NLRP11: variants seen among roughly 807,000 people sequenced by gnomAD.
NLRP11 encodes the protein NLR family pyrin domain containing 11, also known as NACHT, LRR and PYD domains-containing protein 11.
A neutral mutation model predicts 79.3 loss-of-function variants in NLRP11; 53 were observed. The observed-to-expected ratio is 0.67, with a 90% CI of 0.54 to 0.84. The LOEUF is 0.84. NLRP11 is among the 40% of genes least tolerant of loss of function. The probability of loss-of-function intolerance (pLI) is 0.00; values close to 1 mark genes in which losing one functional copy is unlikely to be tolerated. For missense variants in NLRP11, 1,264 were observed against 1,255.0 expected, an observed-to-expected ratio of 1.01 and a Z score of -0.11; for synonymous variants, 518 against 462.6, an observed-to-expected ratio of 1.12 and a Z score of -1.54.
At position 55,815,486 on chromosome 19, in the gene NLRP11, T is replaced by A. The variant is rs1197564123; in HGVS notation, c.271+2418A>T. On this transcript the variant is annotated intron_variant, in intron 2 of 9. Transcript: ENST00000589093. ...GGAGGTTGCAGTGAGCCGAGATTGT[T>A]CCATTGCATTCCAGCCTGGACAATG... 3.5e-5 allele frequency among the ~76,000 whole-genome samples: 5 copies of A among 142,884 alleles called. No individual in the cohort carries two copies. In the East Asian group the frequency reaches 1.0e-3, roughly 29 times the overall value. 93.7% of individuals were successfully genotyped at this position (142,884 alleles called of 152,430 possible).
intron 3 of NLRP11, 141 bp downstream of exon 3, chr19:55,808,628 A>T: frequency 1.3e-6 from 1 of 760,070 alleles, no homozygotes; most frequent in Non-Finnish European, 2.2e-6. Flanking sequence ...AGAGAGATTT[A>T]AGTCACTGGT....
chr19:55,817,382 T>C (rs909505361), intron 2 of NLRP11, among the ~76,000 whole-genome samples: 2 of 152,102 alleles, frequency 1.3e-5, no homozygotes, highest in Non-Finnish European at 2.9e-5. Context: ...ACATTTATAG[T>C]GGCACAATTC....
exon 2 of NLRP11, chr19:55,818,218 G>A (rs1392946872): frequency 6.5e-7 from 1 of 1,535,278 alleles, no homozygotes; most frequent in Non-Finnish European, 8.9e-7. Context: ...GGGATTTTGA[G>A]GCACAAGAAA....
At chr19:55,787,642 T>A (rs1202113840) in intron 9 of NLRP11, among the ~76,000 whole-genome samples, 1 of 152,196 alleles carries the variant, frequency 6.6e-6, no homozygotes, top group African/African-American at 2.4e-5. Context: ...TGGCCAAATT[T>A]GCTTCTATCC....
intron 6 of NLRP11, among the ~76,000 whole-genome samples, chr19:55,792,945 G>A (rs956752308): frequency 6.6e-6 from 1 of 152,138 alleles, no homozygotes; most frequent in African/African-American, 2.4e-5. Context: ...GTGGTATCCC[G>A]TTTTGTCTGT....
In NLRP11 at chr19:55,809,444, T is replaced by C. The variant is rs140478906; in HGVS notation, c.1166A>G (p.Tyr389Cys). ...CAGACGTTTTAGGAGACCTAGGTGATACTGATTGGCAGTAAGTCCAGCCTC... is the reference window on the plus strand; with the variant it reads ...CAGACGTTTTAGGAGACCTAGGTGACACTGATTGGCAGTAAGTCCAGCCTC... Residue 389 changes from tyrosine (Y) to cysteine (C), a missense_variant, in exon 3 of 10, where the codon TAT becomes TGT. Transcript: ENST00000589093. This position sits in a 1 kb window ranked among gnomAD's most constrained non-coding sequence, Gnocchi z 4.5. 4 of 1,614,066 alleles carry C rather than the reference T, an allele frequency of 2.5e-6. No homozygotes were observed. Among genetic ancestry groups the C allele is most frequent in the Non-Finnish European group, 3.4e-6 (4 of 1,180,034 alleles).
chr19:55,792,728 A>C (rs529770729), intron 6 of NLRP11, among the ~76,000 whole-genome samples: 3 of 152,366 alleles, frequency 2.0e-5, no homozygotes, highest in African/African-American at 7.2e-5. Context: ...ATAATCTTAT[A>C]GACGTTACTT....
chr19:55,807,025 C>G (rs530049286), intron 4 of NLRP11, among the ~76,000 whole-genome samples: 2 of 152,266 alleles, frequency 1.3e-5, no homozygotes, highest in Admixed American at 6.5e-5. Flanking sequence ...TTCTTTTCCC[C>G]CCGTAACACC....
intron 7 of NLRP11, among the ~76,000 whole-genome samples, chr19:55,791,670 A>T (rs1192665608): frequency 6.6e-6 from 1 of 151,476 alleles, no homozygotes; most frequent in Non-Finnish European, 1.5e-5. Flanking sequence ...TTTTTAAACA[A>T]TTTTTTTTTC....
intron 1 of NLRP11, among the ~76,000 whole-genome samples, chr19:55,821,994 C>G (rs1981787981): frequency 6.6e-6 from 1 of 152,354 alleles, no homozygotes; most frequent in African/African-American, 2.4e-5. Context: ...CACAGTGGCT[C>G]ACGCCTGTAA....
intron 1 of NLRP11, among the ~76,000 whole-genome samples, chr19:55,823,271 A>G (rs1981993014): frequency 7.3e-6 from 1 of 137,238 alleles, no homozygotes; most frequent in Non-Finnish European, 1.5e-5. Flanking sequence ...GTACATCACC[A>G]TCATCAAAGA....
At chr19:55,832,368 A>G (rs560707424), upstream of NLRP11, among the ~76,000 whole-genome samples, 3 of 152,358 alleles carry the variant, frequency 2.0e-5, no homozygotes, top group East Asian at 5.8e-4. Context: ...TCTAGTCTAC[A>G]TAACCACCTG....
chr19:55,789,525 G>A, intron 7 of NLRP11, 126 bp from the exon 8 acceptor site: 1 of 832,824 alleles, frequency 1.2e-6, no homozygotes, highest in Admixed American at 2.6e-5. Context: ...ACAGAAACAA[G>A]AGCAGTGTTA....
intron 5 of NLRP11, among the ~76,000 whole-genome samples, chr19:55,799,916 G>C (rs1979311228): frequency 6.6e-6 from 1 of 152,104 alleles, no homozygotes; most frequent in African/African-American, 2.4e-5. Context: ...TTAGTGAGCT[G>C]AGATCACACC....
At chr19:55,796,126 G>C (rs1978829776) in exon 6 of NLRP11, 1 of 1,614,102 alleles carries the variant, frequency 6.2e-7, no homozygotes, top group Middle Eastern at 1.7e-4. Flanking sequence ...GCATCACACA[G>C]TATGTTCATC....
chr19:55,830,696 A>C (rs1982671678), intron 1 of NLRP11, among the ~76,000 whole-genome samples: 1 of 151,656 alleles, frequency 6.6e-6, no homozygotes, highest in Non-Finnish European at 1.5e-5. Flanking sequence ...CCTTTTGTAC[A>C]CTCATCTGAC....
rs752355787 is a variant in NLRP11 at position 55,785,630 on chromosome 19, G to A, written c.3097C>T (p.Leu1033Phe). The change falls in exon 10 of 10, where the codon CTT becomes TTT. Residue 1033 changes from leucine to phenylalanine, a missense_variant. By Grantham distance (22) the Leu-to-Phe change is conservative. Coordinates refer to ENST00000589093, the Ensembl canonical transcript of NLRP11. ...ACTGTTTACGTACAACATGATCAAA[G>A]GGGTTGCCTAGATGCTGTATTTGAC... The A allele has an allele frequency of 3.7e-6, 6 of 1,612,232 alleles. No homozygotes were observed. In the African/African-American group the frequency reaches 8.0e-5, roughly 22 times the overall value.
chr19:55,828,208 T>C (rs1196960061), intron 1 of NLRP11, among the ~76,000 whole-genome samples: 5 of 150,360 alleles, frequency 3.3e-5, no homozygotes, highest in East Asian at 2.0e-4. Context: ...TAGGTGGGAA[T>C]TGAACAATGA....
chr19:55,789,290 C>T (rs1367998358), exon 8 of NLRP11: 21 of 1,614,094 alleles, frequency 1.3e-5, no homozygotes, highest in Non-Finnish European at 1.8e-5. Flanking sequence ...TGCATTCCTG[C>T]ATCTTCTATT....
Sources: allele counts gnomAD v4.1 joint callset (sites outside exome capture counted in the v4.1 genomes callset), GRCh38; gene constraint gnomAD v4.1.1; non-coding constraint Gnocchi (gnomAD v3.1); transcripts MANE v1.5; gene names NCBI Gene and HGNC (gene_info 2026-07-23, HGNC 2026-07-21).